The following KIF3C variants were observed in gnomAD, a reference collection of about 807,000 sequenced individuals.
KIF3C encodes kinesin-like protein KIF3C.
A neutral mutation model predicts 67.7 loss-of-function variants in KIF3C; 12 were observed. That is an observed-to-expected ratio of 0.18 (90% CI 0.11 to 0.29). The LOEUF (loss-of-function observed/expected upper bound fraction) is 0.29, where lower values mean the gene tolerates loss of function less well. KIF3C is among the 10% of genes least tolerant of loss of function. KIF3C has a pLI of 1.00. For synonymous variants in KIF3C, 393 were observed against 426.2 expected (o/e 0.92, Z 0.96); for missense variants, 789 against 1,059.6 (o/e 0.74, Z 3.55).
rs1559552321 is a variant in KIF3C, at chr2:25,951,913, C to T, written c.1890-8G>A. On this transcript the variant is annotated splice_polypyrimidine_tract_variant and splice_region_variant and intron_variant, in intron 4 of 7. Transcript: ENST00000264712. ...TTCTCGATGATTAGGTACCTGGGAG[C>T]AGGAATGAAGGAGTGATGGGAAAAT... 1.9e-6 allele frequency: 3 copies of T among 1,591,944 alleles called. No homozygotes were observed. The highest frequency in any genetic ancestry group is 1.7e-5 in the Admixed American group (1 of 59,952).
intron 5 of KIF3C, among the ~76,000 whole-genome samples, chr2:25,946,417 A>G (rs1479788877): frequency 1.3e-5 from 2 of 151,966 alleles, no homozygotes; most frequent in Non-Finnish European, 2.9e-5. Flanking sequence ...TAGGCCGGGC[A>G]TGGTGGCTCA....
At chr2:25,946,565 G>A (rs1253752151) in intron 5 of KIF3C, among the ~76,000 whole-genome samples, 8 of 152,120 alleles carry the variant, frequency 5.3e-5, no homozygotes, top group Admixed American at 5.2e-4. Context: ...GCACATGCCT[G>A]TAATCCCGGT....
In KIF3C at chr2:25,929,457, C is replaced by T; in HGVS notation, c.2136G>A (p.Leu712=). 1 of 1,614,036 alleles carries T rather than the reference C, an allele frequency of 6.2e-7. No individual in the cohort carries two copies. Reference sequence around the variant, plus strand: ...CAGCTGGAGGGGACACATCCAACTCCAGAAACATTATGTTTTCAGCCTGTG... The same window carrying T: ...CAGCTGGAGGGGACACATCCAACTCTAGAAACATTATGTTTTCAGCCTGTG... ...PRYRAENIMF[L]ELDVSPPAVF... The change falls in exon 7 of 8, where the codon CTG becomes CTA. Residue 712 remains leucine, a synonymous_variant. Transcript: ENST00000264712.
chr2:25,975,941 G>C (rs1437153507), intron 1 of KIF3C, among the ~76,000 whole-genome samples: 3 of 151,982 alleles, frequency 2.0e-5, no homozygotes, highest in Non-Finnish European at 4.4e-5. Context: ...CTGGGCGACA[G>C]AGTGAGACTC....
rs1663761817 is a variant in KIF3C at position 25,954,697 on chromosome 2, AG to A, written c.1771-313del. 2.0e-5 allele frequency among the ~76,000 whole-genome samples: 3 copies of A among 152,198 alleles called. No homozygotes were observed. In the South Asian group the frequency reaches 6.2e-4, roughly 31 times the overall value. ...TTTTGGTCCAATACCCTCCTTTCAT[AG>A]ATGAGGAAGCCAGGCACAGACTTGC... is the stretch of plus-strand genomic sequence containing the variant. On this transcript the variant is annotated intron_variant, in intron 3 of 7. Transcript: ENST00000264712.
Position 25,980,608 on chromosome 2 carries a change from T to A in KIF3C, c.1310A>T (p.Asp437Val). 1 of 1,614,036 alleles carries A rather than the reference T, an allele frequency of 6.2e-7. No individual in the cohort carries two copies. Among genetic ancestry groups the A allele is most frequent in the South Asian group, 1.1e-5 (1 of 91,088 alleles). The change falls in exon 1 of 8, where the codon GAC becomes GTC. Residue 437 changes from aspartate to valine, a missense_variant. By Grantham distance (152) the Asp-to-Val change is radical. Coordinates refer to ENST00000264712, the MANE Select transcript of KIF3C (RefSeq NM_002254.8). The surrounding 1 kb of genome is among the most constrained non-coding windows in gnomAD (Gnocchi z 7.6). ...IEAWVAEEEDDNNNNHRPPQP... is the reference protein window; with the variant it reads ...IEAWVAEEEDVNNNNHRPPQP... ...GGGCGGGCGGTGGTTGTTGTTGTTG[T>A]CATCCTCCTCTTCTGCCACCCAGGC...
chr2:25,970,603 G>T (rs182636677), intron 1 of KIF3C, among the ~76,000 whole-genome samples: 3 of 147,762 alleles, frequency 2.0e-5, no homozygotes, highest in Non-Finnish European at 4.5e-5. Context: ...GGAGGTGGAG[G>T]TTGCAGTGAG....
chr2:25,960,430 T>C (rs1387914097), intron 1 of KIF3C, among the ~76,000 whole-genome samples: 1 of 149,242 alleles, frequency 6.7e-6, no homozygotes, highest in African/African-American at 2.4e-5. Context: ...CAAGGTCACA[T>C]GATGGCCCCC....
Position 25,981,752 on chromosome 2 carries a change from T to C in KIF3C, c.166A>G (p.Lys56Glu). ...NPRAAPGELP[K>E]TFTFDAVYDA... ...TACACGGCGTCAAAGGTGAAGGTCT[T>C]GGGCAGCTCCCCCGGGGCGGCGCGG... Residue 56 changes from lysine (K) to glutamate (E), a missense_variant, in exon 1 of 8, where the codon AAG becomes GAG. Physicochemically the swap from Lys to Glu is moderately conservative, Grantham distance 56. Around this residue, in one of 2 missense-constraint regions of KIF3C, gnomAD observed 141 missense variants for 251.8 expected, o/e 0.56. Coordinates refer to ENST00000264712, the MANE Select transcript of KIF3C (RefSeq NM_002254.8). The surrounding 1 kb of genome is among the most constrained non-coding windows in gnomAD (Gnocchi z 8.2). 1 of 1,613,758 alleles carries C rather than the reference T, an allele frequency of 6.2e-7. No homozygotes were observed. Among genetic ancestry groups the C allele is most frequent in the Non-Finnish European group, 8.5e-7 (1 of 1,179,828 alleles).
intron 4 of KIF3C, chr2:25,954,008 T>G (rs1663730337): frequency 2.3e-6 from 1 of 431,080 alleles, no homozygotes; most frequent in Non-Finnish European, 4.2e-6. Context: ...CTGATTCTTA[T>G]GCAAAGATGG....
intron 4 of KIF3C, 62 bp downstream of exon 4, chr2:25,954,205 A>C: frequency 4.3e-6 from 5 of 1,158,290 alleles, no homozygotes; most frequent in Non-Finnish European, 6.5e-6. Flanking sequence ...TTAGGGGAGG[A>C]GAGGCCTGAG....
At chr2:25,956,577 G>A (rs116035771) in intron 1 of KIF3C, 133 bp from the exon 2 acceptor site, 9,804 of 663,360 alleles carry the variant, frequency 0.015, 133 homozygotes, top group Non-Finnish European at 0.022. Flanking sequence ...GGGGCCTTGT[G>A]GCTTTCAGGG....
At chr2:25,961,885 T>C (rs1574491393) in intron 1 of KIF3C, among the ~76,000 whole-genome samples, 1 of 150,280 alleles carries the variant, frequency 6.7e-6, no homozygotes, top group African/African-American at 2.5e-5. Flanking sequence ...GAGGCGGAGG[T>C]TGCAGTGAGC....
intron 3 of KIF3C, among the ~76,000 whole-genome samples, chr2:25,954,669 A>G (rs1053923993): frequency 6.6e-6 from 1 of 152,158 alleles, no homozygotes; most frequent in African/African-American, 2.4e-5. Context: ...GACCCCAGGG[A>G]CCTTTTGGTC....
intron 5 of KIF3C, among the ~76,000 whole-genome samples, chr2:25,934,486 G>A (rs1299512478): frequency 6.6e-6 from 1 of 151,992 alleles, no homozygotes; most frequent in African/African-American, 2.4e-5. Flanking sequence ...GGCTGAGGCA[G>A]GAGAATCGCT....
Position 25,955,402 on chromosome 2 carries a change from C to T in KIF3C, c.1770+139G>A. The T allele has an allele frequency of 9.7e-7, 1 of 1,031,580 alleles. No individual in the cohort carries two copies. The highest frequency in any genetic ancestry group is 1.4e-6 in the Non-Finnish European group (1 of 699,418). 63.9% of individuals were successfully genotyped at this position (1,031,580 alleles called of 1,614,324 possible). The stretch of plus-strand genomic sequence containing the variant: ...CCGCCTCCTGCCTCCCCCTGTTGCT[C>T]ACCCCCGAGGCCAAGCCATGTCACT... On this transcript the variant is annotated intron_variant, in intron 3 of 7. Coordinates refer to ENST00000264712, the MANE Select transcript of KIF3C (RefSeq NM_002254.8). The surrounding 1 kb of genome is among the most constrained non-coding windows in gnomAD (Gnocchi z 5.0).
At chr2:25,951,451 C>T in intron 5 of KIF3C, 1 of 264,218 alleles carries the variant, frequency 3.8e-6, no homozygotes. Flanking sequence ...CTATTTCGGG[C>T]ATCTGACAAA....
chr2:25,980,903 C>T lies in KIF3C; in HGVS notation c.1015G>A (p.Val339Ile), dbSNP rs762621246. 2 of 1,614,210 alleles carry T rather than the reference C, an allele frequency of 1.2e-6. No homozygotes were observed. Among genetic ancestry groups the T allele is most frequent in the South Asian group, 2.2e-5 (2 of 91,092 alleles). The change falls in exon 1 of 8, where the codon GTA (valine) becomes ATA (isoleucine). Residue 339 changes from valine to isoleucine, a missense_variant. Physicochemically the swap from Val to Ile is conservative, Grantham distance 29. Transcript: ENST00000264712. The surrounding 1 kb of genome is among the most constrained non-coding windows in gnomAD (Gnocchi z 7.6). ...TGAGAAGCTGGCCCCAGTGTGGCTACCATGATGGTCTTGGCATTCCCCCCC... is the reference window on the plus strand; with the variant it reads ...TGAGAAGCTGGCCCCAGTGTGGCTATCATGATGGTCTTGGCATTCCCCCCC... ...SLGGNAKTIM[V>I]ATLGPASHSY...
At position 25,981,841 on chromosome 2, in the gene KIF3C, G is replaced by A; in HGVS notation, c.77C>T (p.Ala26Val). 2 of 1,609,368 alleles carry A rather than the reference G, an allele frequency of 1.2e-6. No homozygotes were observed. Among genetic ancestry groups the A allele is most frequent in the Non-Finnish European group, 1.7e-6 (2 of 1,177,710 alleles). The part of the protein sequence containing the change: ...RCRPLSRKEE[A>V]AGHEQILTMD... ...GGTCAGGATCTGCTCGTGACCAGCAGCCTCCTCCTTCCTGCTGAGGGGGCG... is the reference window on the plus strand; with the variant it reads ...GGTCAGGATCTGCTCGTGACCAGCAACCTCCTCCTTCCTGCTGAGGGGGCG... Residue 26 changes from alanine (A) to valine (V), a missense_variant, in exon 1 of 8, where the codon GCT becomes GTT. Ala to Val is a moderately conservative substitution (Grantham distance 64). Coordinates refer to ENST00000264712, the MANE Select transcript of KIF3C (RefSeq NM_002254.8). This position sits in a 1 kb window ranked among gnomAD's most constrained non-coding sequence, Gnocchi z 8.2.
Sources: gnomAD v4.1 joint callset for allele counts (sites outside exome capture counted in the v4.1 genomes callset) on GRCh38, gnomAD v4.1.1 for gene constraint, gnomAD v4.1.1 regional missense constraint, Gnocchi (gnomAD v3.1) non-coding constraint, MANE v1.5 for transcripts, NCBI Gene and HGNC (gene_info 2026-07-23, HGNC 2026-07-21) for gene names.